The following GHR variants were observed in gnomAD, a reference collection of about 807,000 sequenced individuals.
The protein encoded by GHR is growth hormone receptor, also known as GH receptor.
Under a neutral mutation model 67.1 loss-of-function variants are expected in GHR, and 35 were observed. That is an observed-to-expected ratio of 0.52 (90% CI 0.40 to 0.69). The LOEUF is 0.69. Among genes scored for constraint, GHR ranks in the 30% least tolerant of loss-of-function variants. GHR has a pLI of 0.00. For missense variants in GHR, 792 were observed against 764.6 expected, an observed-to-expected ratio of 1.04 and a Z score of -0.42; for synonymous variants, 272 against 269.1, an observed-to-expected ratio of 1.01 and a Z score of -0.10.
intron 1 of GHR, among the ~76,000 whole-genome samples, chr5:42,510,473 C>T (rs1418567675): frequency 6.6e-6 from 1 of 152,128 alleles, no homozygotes; most frequent in Non-Finnish European, 1.5e-5. Context: ...TGCTATAACG[C>T]TATTTATGTG....
intron 1 of GHR, among the ~76,000 whole-genome samples, chr5:42,531,982 C>G (rs1470778870): frequency 7.0e-6 from 1 of 142,938 alleles, no homozygotes; most frequent in Non-Finnish European, 1.5e-5. Flanking sequence ...AGAAAAATAG[C>G]TTTTTTTTTT....
At chr5:42,638,097 G>A (rs1754291652) in intron 3 of GHR, among the ~76,000 whole-genome samples, 1 of 151,988 alleles carries the variant, frequency 6.6e-6, no homozygotes, top group East Asian at 1.9e-4. Context: ...GCACCACCAC[G>A]CCCGGCAAAT....
chr5:42,569,338 G>A lies in GHR; in HGVS notation c.70+3394G>A, dbSNP rs533133192. On this transcript the variant is annotated intron_variant, in intron 2 of 9. Transcript: ENST00000230882. ...TTCGTGGAAGGCATAGGATTAATTT[G>A]GCCAGGGTGTGTGGTACATAGGTGC... 2.0e-5 allele frequency among the ~76,000 whole-genome samples: 3 copies of A among 152,154 alleles called. No individual in the cohort carries two copies. The South Asian group carries it at 6.2e-4, about 32-fold the overall frequency.
chr5:42,683,198 C>T (rs1024294126), intron 3 of GHR, among the ~76,000 whole-genome samples: 7 of 152,104 alleles, frequency 4.6e-5, no homozygotes, highest in South Asian at 2.1e-4. Flanking sequence ...GATGGGATTT[C>T]ACCATGTTGG....
At position 42,493,074 on chromosome 5, in the gene GHR, T is replaced by G. The variant is rs1445439619; in HGVS notation, c.-12+69119T>G. Among the ~76,000 whole-genome samples the G allele has an allele frequency of 3.9e-5, 6 of 152,168 alleles. 1 individual carries two copies. Among genetic ancestry groups the G allele is most frequent in the Admixed American group, 3.3e-4 (5 of 15,270 alleles). On this transcript the variant is annotated intron_variant, in intron 1 of 9. Coordinates refer to ENST00000230882, the MANE Select transcript of GHR (RefSeq NM_000163.5). Reference sequence around the variant, plus strand: ...ATAGAAACTGTATTATTTGGTACATTTAAGATAAAATGAAAATTGTGTTTT... The same window carrying G: ...ATAGAAACTGTATTATTTGGTACATGTAAGATAAAATGAAAATTGTGTTTT...
At chr5:42,684,620 G>C (rs1175945081) in intron 3 of GHR, among the ~76,000 whole-genome samples, 1 of 152,160 alleles carries the variant, frequency 6.6e-6, no homozygotes, top group Admixed American at 6.5e-5. Context: ...GTACACCTCA[G>C]TGTTCTGAGA....
chr5:42,518,790 G>C (rs1037727250), intron 1 of GHR, among the ~76,000 whole-genome samples: 52 of 152,194 alleles, frequency 3.4e-4, no homozygotes, highest in African/African-American at 1.3e-3. Flanking sequence ...TCCCACTGGA[G>C]AAATGTGGCA....
chr5:42,486,894 T>C (rs1279697427), intron 1 of GHR, among the ~76,000 whole-genome samples: 1 of 151,458 alleles, frequency 6.6e-6, no homozygotes, highest in African/African-American at 2.4e-5. Context: ...TTAATGGATG[T>C]GAGTGGAAGA....
chr5:42,425,532 A>C (rs1742814706), intron 1 of GHR, among the ~76,000 whole-genome samples: 1 of 152,246 alleles, frequency 6.6e-6, no homozygotes, highest in South Asian at 2.1e-4. Flanking sequence ...TTGATGCAGC[A>C]GACAGGATTG....
At chr5:42,656,497 A>T (rs1247633273) in intron 3 of GHR, among the ~76,000 whole-genome samples, 1 of 152,022 alleles carries the variant, frequency 6.6e-6, no homozygotes, top group Non-Finnish European at 1.5e-5. Flanking sequence ...TCACCTCTAA[A>T]GCCTATCTTT....
intron 3 of GHR, among the ~76,000 whole-genome samples, chr5:42,686,897 T>C (rs1394497222): frequency 6.6e-6 from 1 of 152,212 alleles, no homozygotes; most frequent in Non-Finnish European, 1.5e-5. Context: ...TGTCTCTGTT[T>C]GCAGATGACA....
intron 2 of GHR, among the ~76,000 whole-genome samples, chr5:42,626,055 C>A (rs1190875988): frequency 6.6e-6 from 1 of 152,066 alleles, no homozygotes; most frequent in Non-Finnish European, 1.5e-5. Flanking sequence ...TCCCCAGAAC[C>A]CTTAGGTAGG....
rs35027937 is a variant in GHR, at chr5:42,700,680, ACCACAG to A, written c.618+700_618+705del. Reference sequence around the variant, plus strand: ...ATATAACTAATTCTAAATCTGTCTAACCACAGCCACAGCCACAGCCACAGCCAAGCC... The same window carrying A: ...ATATAACTAATTCTAAATCTGTCTAACCACAGCCACAGCCACAGCCAAGCC... On this transcript the variant is annotated intron_variant, in intron 6 of 9. Coordinates refer to ENST00000230882, the MANE Select transcript of GHR (RefSeq NM_000163.5). Among the ~76,000 whole-genome samples the A allele has an allele frequency of 5.9e-5, 9 of 152,176 alleles. 1 individual carries two copies. In the South Asian group the frequency reaches 8.3e-4, roughly 14 times the overall value.
chr5:42,589,169 A>G (rs955140735), intron 2 of GHR, among the ~76,000 whole-genome samples: 4 of 152,224 alleles, frequency 2.6e-5, no homozygotes, highest in Admixed American at 6.5e-5. Flanking sequence ...GGTCAAAGGT[A>G]TAGTTTTAAA....
At chr5:42,625,348 A>AG (rs986793849) in intron 2 of GHR, among the ~76,000 whole-genome samples, 22 of 152,072 alleles carry the variant, frequency 1.4e-4, no homozygotes, top group African/African-American at 5.3e-4. Flanking sequence ...ATGTAAAAAA[A>AG]AAATTCATTT....
At position 42,721,166 on chromosome 5, in the gene GHR, C is replaced by A. The variant is rs565299489; in HGVS notation, c.*1742C>A. On this transcript the variant is annotated 3_prime_UTR_variant, in exon 10 of 10. Coordinates refer to ENST00000230882, the MANE Select transcript of GHR (RefSeq NM_000163.5). Reference sequence around the variant, plus strand: ...GTCTCGATCTCCTGACCTCGTGATCCACCCGACTCGGCCTCCCAAAGTGCT... The same window carrying A: ...GTCTCGATCTCCTGACCTCGTGATCAACCCGACTCGGCCTCCCAAAGTGCT... The A allele has an allele frequency of 2.0e-5, 3 of 152,276 alleles. No individual in the cohort carries two copies. The highest frequency in any genetic ancestry group is 2.0e-4 in the Admixed American group (3 of 15,280). The allele number at this position is 152,276 out of a possible 1,614,324, so 9.4% of individuals were successfully genotyped here. A position where few individuals can be genotyped will look rare whatever the true frequency, so the allele number is the denominator to read the frequency against.
chr5:42,476,141 G>A (rs1483756642), intron 1 of GHR, among the ~76,000 whole-genome samples: 1 of 151,836 alleles, frequency 6.6e-6, no homozygotes, highest in East Asian at 1.9e-4. Context: ...CTGACCTCGT[G>A]ATTTGCCCGC....
intron 1 of GHR, among the ~76,000 whole-genome samples, chr5:42,564,606 AAGAT>A (rs1325032744): frequency 1.3e-5 from 2 of 152,224 alleles, no homozygotes; most frequent in African/African-American, 4.8e-5. Flanking sequence ...TGGAACAAAA[AAGAT>A]AGGTCCTCTG....
intron 1 of GHR, among the ~76,000 whole-genome samples, chr5:42,525,685 G>A (rs1203148192): frequency 6.6e-6 from 1 of 152,166 alleles, no homozygotes; most frequent in African/African-American, 2.4e-5. Flanking sequence ...ACCTTGAATT[G>A]TATCTCCCAG....
Sources: gnomAD v4.1 joint callset for allele counts (sites outside exome capture counted in the v4.1 genomes callset) on GRCh38, gnomAD v4.1.1 for gene constraint, MANE v1.5 for transcripts, NCBI Gene and HGNC (gene_info 2026-07-23, HGNC 2026-07-21) for gene names.